The following TENM1 variants were observed in gnomAD, a reference collection of about 807,000 sequenced individuals.
TENM1 encodes the protein teneurin-1.
In TENM1, 35 loss-of-function variants were observed where a neutral mutation model predicts 174.8. The observed-to-expected ratio is 0.20, with a 90% CI of 0.15 to 0.27. The LOEUF (loss-of-function observed/expected upper bound fraction) is 0.27, where lower values mean the gene tolerates loss of function less well. Ranked by LOEUF, TENM1 falls within the 10% of genes least tolerant of loss-of-function variation. The pLI is 1.00. For missense variants in TENM1, 1,633 were observed against 2,130.1 expected, an observed-to-expected ratio of 0.77 and a Z score of 4.59; for synonymous variants, 781 against 798.7, an observed-to-expected ratio of 0.98 and a Z score of 0.37.
the TENM1 span, among the ~76,000 whole-genome samples, chrX:124,985,864 C>G: frequency 8.9e-6 from 1 of 111,771 alleles, no homozygotes. Context: ...CAACATCACG[C>G]TCAAACTTCA....
chrX:124,884,223 T>G (rs1350800372), intron 3 of TENM1, among the ~76,000 whole-genome samples: 2 of 110,973 alleles, frequency 1.8e-5, no homozygotes. Flanking sequence ...TTGACCCTGG[T>G]AGCAGCAGCC....
At position 124,535,974 on chromosome X, in the gene TENM1, C is replaced by A. The variant is rs764167976; in HGVS notation, c.2652-5991G>T. ...CTCATCAGGAGTGTTTTGTTTGATA[C>A]TTGACTATTTTAGGGAATTAAACAG... On this transcript the variant is annotated intron_variant, in intron 15 of 31. Coordinates refer to ENST00000422452, the Ensembl canonical transcript of TENM1. Among the ~76,000 whole-genome samples the A allele has an allele frequency of 2.7e-5, 3 of 111,633 alleles. No homozygotes were observed. In the South Asian group the frequency reaches 1.1e-3, roughly 42 times the overall value.
intron 8 of TENM1, among the ~76,000 whole-genome samples, chrX:124,648,603 A>G (rs2051218471): frequency 8.9e-6 from 1 of 112,307 alleles, no homozygotes; most frequent in Non-Finnish European, 1.9e-5. Context: ...ATGAAAAGGC[A>G]TAAAGAGACT....
exon 32 of TENM1, chrX:124,376,884 C>T (rs2060109765): frequency 9.1e-6 from 1 of 110,411 alleles, no homozygotes; most frequent in Admixed American, 9.7e-5. Context: ...ATGTGAATTT[C>T]TTCAAGAAAA....
the TENM1 span, among the ~76,000 whole-genome samples, chrX:125,168,307 G>C: frequency 9.0e-6 from 1 of 111,653 alleles, no homozygotes; most frequent in Non-Finnish European, 1.9e-5. Context: ...TAAATGCAGA[G>C]ATCACCCTTT....
chrX:124,706,446 T>C (rs1243854388), intron 4 of TENM1, among the ~76,000 whole-genome samples: 1 of 112,053 alleles, frequency 8.9e-6, no homozygotes, highest in African/African-American at 3.2e-5. Context: ...AGTTCTCTTC[T>C]GTCTTTTCTA....
At chrX:124,580,246 T>A (rs1350858552) in intron 11 of TENM1, among the ~76,000 whole-genome samples, 1 of 111,316 alleles carries the variant, frequency 9.0e-6, no homozygotes, top group Admixed American at 9.6e-5. Flanking sequence ...AAATGTAGTA[T>A]ATATACAATA....
At chrX:124,492,762 A>G (rs190931616) in intron 20 of TENM1, among the ~76,000 whole-genome samples, 2 of 110,359 alleles carry the variant, frequency 1.8e-5, no homozygotes, top group Admixed American at 1.9e-4. Flanking sequence ...GGGGATATTA[A>G]CCATGAGTCT....
At chrX:125,155,973 C>T in the TENM1 span, among the ~76,000 whole-genome samples, 1 of 112,730 alleles carries the variant, frequency 8.9e-6, no homozygotes, top group African/African-American at 3.2e-5. Flanking sequence ...GCAAGGGAGG[C>T]GCCGAGAGCG....
chrX:124,675,400 C>G (rs1363268799), intron 5 of TENM1, among the ~76,000 whole-genome samples: 1 of 110,682 alleles, frequency 9.0e-6, no homozygotes, highest in African/African-American at 3.3e-5. Flanking sequence ...TCCTTAGTTT[C>G]TAGTGGATTC....
chrX:125,019,071 A>G, the TENM1 span, among the ~76,000 whole-genome samples: 1 of 111,891 alleles, frequency 8.9e-6, no homozygotes, highest in Non-Finnish European at 1.9e-5. Flanking sequence ...TGTTTTGCAC[A>G]TAAGATGATC....
intron 4 of TENM1, among the ~76,000 whole-genome samples, chrX:124,708,018 C>T (rs771673310): frequency 3.0e-4 from 34 of 112,133 alleles, no homozygotes; most frequent in South Asian, 1.1e-3. Flanking sequence ...ATATTCATCA[C>T]CTTGACCAAA....
intron 11 of TENM1, among the ~76,000 whole-genome samples, chrX:124,576,898 T>C (rs990462519): frequency 8.9e-6 from 1 of 111,783 alleles, no homozygotes; most frequent in African/African-American, 3.3e-5. Context: ...ATTACCTACA[T>C]GGTGTTATTC....
At chrX:125,043,243 G>GAA in the TENM1 span, among the ~76,000 whole-genome samples, 1 of 81,268 alleles carries the variant, frequency 1.2e-5, no homozygotes, top group African/African-American at 4.6e-5. Context: ...CAACATGGGA[G>GAA]AAAATTTTTG....
At chrX:124,689,764 ATATAC>A (rs2031088680) in intron 5 of TENM1, among the ~76,000 whole-genome samples, 3 of 110,876 alleles carry the variant, frequency 2.7e-5, no homozygotes, top group South Asian at 3.8e-4. Flanking sequence ...CAAGCTCTAC[ATATAC>A]TATGTTTTTT....
chrX:124,585,766 T>C (rs1343018793), intron 11 of TENM1, among the ~76,000 whole-genome samples: 1 of 110,832 alleles, frequency 9.0e-6, no homozygotes, highest in Admixed American at 9.6e-5. Flanking sequence ...TTTGAAAGGA[T>C]CAACAAAACT....
chrX:124,779,726 A>G, intron 3 of TENM1, among the ~76,000 whole-genome samples: 2 of 112,162 alleles, frequency 1.8e-5, no homozygotes, highest in South Asian at 3.7e-4. Context: ...GCCAACAACA[A>G]TATTTGTGGC....
the TENM1 span, among the ~76,000 whole-genome samples, chrX:125,045,273 G>T: frequency 9.0e-6 from 1 of 111,540 alleles, no homozygotes; most frequent in Non-Finnish European, 1.9e-5. Flanking sequence ...CTTGGGTGGG[G>T]ACATAGAGTC....
At chrX:125,109,961 G>A in the TENM1 span, among the ~76,000 whole-genome samples, 1 of 111,585 alleles carries the variant, frequency 9.0e-6, no homozygotes, top group Non-Finnish European at 1.9e-5. Flanking sequence ...TGTTTTAAGC[G>A]ATTTCTAAGC....
Sources: allele counts gnomAD v4.1 joint callset (sites outside exome capture counted in the v4.1 genomes callset), GRCh38; gene constraint gnomAD v4.1.1; transcripts MANE v1.5; gene names NCBI Gene and HGNC (gene_info 2026-07-23, HGNC 2026-07-21).